Variants in NALCN observed in about 807,000 individuals in gnomAD.
NALCN encodes sodium leak channel NALCN.
In NALCN, 111 loss-of-function variants were observed where a neutral mutation model predicts 225.3. The observed-to-expected ratio is 0.49, with a 90% CI of 0.42 to 0.58. The LOEUF (loss-of-function observed/expected upper bound fraction) is 0.58. Among genes scored for constraint, NALCN ranks in the 20% least tolerant of loss-of-function variants. NALCN has a pLI of 0.00. For missense variants in NALCN, 1,378 were observed against 2,202.4 expected (o/e 0.63, Z 7.49); for synonymous variants, 764 against 769.0 (o/e 0.99, Z 0.11).
intron 18 of NALCN, among the ~76,000 whole-genome samples, 180 bp downstream of exon 18, chr13:101,124,428 T>C (rs1436275421): frequency 2.0e-5 from 3 of 152,216 alleles, no homozygotes; most frequent in Admixed American, 2.0e-4. Context: ...AAAATTTTTT[T>C]TTAGAAATGA....
intron 7 of NALCN, among the ~76,000 whole-genome samples, chr13:101,337,322 T>A (rs1213575164): frequency 1.4e-5 from 2 of 144,782 alleles, no homozygotes; most frequent in South Asian, 4.1e-4. Context: ...ATTTATTTAT[T>A]TTTTGAGACA....
intron 13 of NALCN, among the ~76,000 whole-genome samples, chr13:101,224,034 C>A (rs1451750599): frequency 6.6e-6 from 1 of 152,268 alleles, no homozygotes; most frequent in South Asian, 2.1e-4. Context: ...ATCATCCTTA[C>A]TACACCCATG....
At chr13:101,304,684 C>A (rs2044092824) in intron 7 of NALCN, among the ~76,000 whole-genome samples, 1 of 152,076 alleles carries the variant, frequency 6.6e-6, no homozygotes, top group Non-Finnish European at 1.5e-5. Context: ...GCGGTCCACC[C>A]ACCTTGGCCA....
At chr13:101,108,034 T>C (rs2035233197) in intron 20 of NALCN, among the ~76,000 whole-genome samples, 1 of 148,468 alleles carries the variant, frequency 6.7e-6, no homozygotes, top group Non-Finnish European at 1.5e-5. Context: ...TATATTTACA[T>C]TAAATATGTA....
At chr13:101,393,118 T>C (rs779203679) in intron 3 of NALCN, among the ~76,000 whole-genome samples, 21 of 152,178 alleles carry the variant, frequency 1.4e-4, no homozygotes, top group Non-Finnish European at 2.8e-4. Context: ...TTGCAACTTA[T>C]ATCACAAACG....
intron 39 of NALCN, among the ~76,000 whole-genome samples, chr13:101,066,759 T>C (rs916938634): frequency 1.3e-5 from 2 of 152,072 alleles, no homozygotes; most frequent in African/African-American, 4.8e-5. Context: ...AGGGAGCAAA[T>C]TGGGGTGAGT....
chr13:101,336,320 A>G (rs1180233772), intron 7 of NALCN, among the ~76,000 whole-genome samples: 2 of 152,210 alleles, frequency 1.3e-5, no homozygotes, highest in Non-Finnish European at 2.9e-5. Flanking sequence ...AAATTCAAAG[A>G]AGAAAAATAC....
intron 15 of NALCN, among the ~76,000 whole-genome samples, chr13:101,174,587 C>T (rs546090171): frequency 4.1e-4 from 63 of 151,964 alleles, no homozygotes; most frequent in African/African-American, 1.4e-3. Flanking sequence ...TATGCATATA[C>T]GTGTATATAT....
Position 101,377,293 on chromosome 13 carries a change from G to A in NALCN, c.376-237C>T, listed in dbSNP as rs16958874. Among the ~76,000 whole-genome samples, 2,733 of 152,154 alleles carry A rather than the reference G, an allele frequency of 0.018. 76 individuals are homozygous for A. Among genetic ancestry groups the A allele is most frequent in the African/African-American group, 0.062 (2,557 of 41,496 alleles). On this transcript the variant is annotated intron_variant, in intron 4 of 43. Transcript: ENST00000251127. ...ATTAATCTTATTCATTTCCTGTCTC[G>A]TTCGTTAAGACAGTTTTTAGTTACA... is the stretch of plus-strand genomic sequence containing the variant.
At chr13:101,330,452 G>C (rs572275473) in intron 7 of NALCN, among the ~76,000 whole-genome samples, 3 of 152,104 alleles carry the variant, frequency 2.0e-5, no homozygotes, top group Non-Finnish European at 4.4e-5. Context: ...ACAAAGGATT[G>C]TTCTGCATTT....
intron 13 of NALCN, among the ~76,000 whole-genome samples, chr13:101,197,172 G>A (rs917012219): frequency 3.3e-5 from 5 of 152,134 alleles, no homozygotes; most frequent in Non-Finnish European, 5.9e-5. Context: ...AGACTTCACA[G>A]ATTGGGGAAT....
intron 13 of NALCN, among the ~76,000 whole-genome samples, chr13:101,211,359 A>G (rs1359637717): frequency 6.6e-6 from 1 of 152,074 alleles, no homozygotes; most frequent in Non-Finnish European, 1.5e-5. Flanking sequence ...TAGGGGTAGG[A>G]AACAGGATGC....
chr13:101,279,796 G>C (rs1259009941), intron 10 of NALCN, among the ~76,000 whole-genome samples: 1 of 148,266 alleles, frequency 6.7e-6, no homozygotes, highest in Admixed American at 6.8e-5. Flanking sequence ...CAGCCTGGGC[G>C]ACAGAGCGAG....
chr13:101,123,671 G>A (rs934889980), intron 18 of NALCN, among the ~76,000 whole-genome samples: 14 of 152,176 alleles, frequency 9.2e-5, no homozygotes, highest in African/African-American at 3.1e-4. Flanking sequence ...AATATTGAGA[G>A]AAATACTGTC....
intron 6 of NALCN, among the ~76,000 whole-genome samples, chr13:101,363,933 A>G (rs61973692): frequency 0.13 from 19,344 of 152,174 alleles, 1,516 homozygotes; most frequent in Non-Finnish European, 0.18. Flanking sequence ...ATCTGAATAG[A>G]CATTTCTCAA....
At chr13:101,073,815 T>C in intron 36 of NALCN, 138 bp from the exon 37 acceptor site, 1 of 620,092 alleles carries the variant, frequency 1.6e-6, no homozygotes, top group Non-Finnish European at 2.7e-6. Context: ...AGGTTATACC[T>C]TTTTATTAAT....
chr13:101,277,678 T>C (rs2043011011), intron 10 of NALCN, among the ~76,000 whole-genome samples: 1 of 152,240 alleles, frequency 6.6e-6, no homozygotes, highest in South Asian at 2.1e-4. Flanking sequence ...TCCATGCATT[T>C]GTGTATCTTT....
chr13:101,142,092 T>C (rs1012355108), intron 17 of NALCN, among the ~76,000 whole-genome samples: 1 of 151,682 alleles, frequency 6.6e-6, no homozygotes, highest in African/African-American at 2.4e-5. Flanking sequence ...TATGTGTGTA[T>C]ATATAAATAT....
At chr13:101,172,523 T>C (rs1430325328) in intron 15 of NALCN, among the ~76,000 whole-genome samples, 2 of 152,188 alleles carry the variant, frequency 1.3e-5, no homozygotes, top group African/African-American at 4.8e-5. Context: ...TCTTCCTCTG[T>C]TGAGCCCTAC....
Sources: allele counts gnomAD v4.1 joint callset (sites outside exome capture counted in the v4.1 genomes callset), GRCh38; gene constraint gnomAD v4.1.1; transcripts MANE v1.5; gene names NCBI Gene and HGNC (gene_info 2026-07-23, HGNC 2026-07-21).